DYNLRB1: variants seen among roughly 807,000 people sequenced by gnomAD.
DYNLRB1 encodes the protein dynein light chain roadblock-type 1.
A neutral mutation model predicts 13.5 loss-of-function variants in DYNLRB1; 6 were observed. The ratio of observed to expected loss-of-function variants is 0.44; its 90% CI spans 0.24 to 0.88. DYNLRB1 has a LOEUF of 0.88. Ranked by LOEUF, DYNLRB1 falls within the 40% of genes least tolerant of loss-of-function variation. The pLI, the probability that DYNLRB1 is intolerant of heterozygous loss-of-function variation, is 0.21. For missense variants in DYNLRB1, 93 were observed against 127.2 expected (o/e 0.73, Z 1.29); for synonymous variants, 43 against 45.0 (o/e 0.96, Z 0.18).
intron 2 of DYNLRB1, chr20:34,529,836 G>A (rs1258602400): frequency 2.0e-6 from 3 of 1,503,046 alleles, no homozygotes; most frequent in Non-Finnish European, 2.7e-6. Context: ...AAACCATGTG[G>A]TCATTTCATT....
intron 2 of DYNLRB1, among the ~76,000 whole-genome samples, chr20:34,527,314 C>T (rs1032902770): frequency 3.3e-5 from 5 of 152,214 alleles, no homozygotes; most frequent in Non-Finnish European, 7.3e-5. Flanking sequence ...TCTGCCTCAT[C>T]TCCTGACTAG....
In DYNLRB1 at chr20:34,535,797, G is replaced by A. The variant is rs1036052998; in HGVS notation, c.247+1002G>A. The A allele has an allele frequency of 6.1e-6, 6 of 985,174 alleles. No homozygotes were observed. The African/African-American group carries it at 1.0e-4, about 17-fold the overall frequency. The allele number at this position is 985,174 out of a possible 1,614,324, so 61.0% of individuals were successfully genotyped here. A position where few individuals can be genotyped will look rare whatever the true frequency, so the allele number is the denominator to read the frequency against. On this transcript the variant is annotated intron_variant, in intron 3 of 3. Transcript: ENST00000357156. Reference sequence around the variant, plus strand: ...CCACAAACACCTAACTCAGTTGCATGGACTTGATCTTGCAAGCAGAGGTTT... The same window carrying A: ...CCACAAACACCTAACTCAGTTGCATAGACTTGATCTTGCAAGCAGAGGTTT...
intron 1 of DYNLRB1, chr20:34,516,884 C>G (rs755810795): frequency 9.3e-6 from 14 of 1,504,798 alleles, no homozygotes; most frequent in Non-Finnish European, 1.2e-5. Flanking sequence ...GAGGTAGATA[C>G]AATCTTTAGT....
At chr20:34,519,725 T>C (rs1163686766) in intron 1 of DYNLRB1, among the ~76,000 whole-genome samples, 1 of 152,194 alleles carries the variant, frequency 6.6e-6, no homozygotes, top group Admixed American at 6.5e-5. Context: ...ACTGTTCTTG[T>C]CTTTTTTGCA....
chr20:34,530,494 CTT>C (rs1980626277), intron 2 of DYNLRB1: 1 of 162,860 alleles, frequency 6.1e-6, no homozygotes, highest in African/African-American at 2.4e-5. Context: ...GTGTGTGTGT[CTT>C]TAACTTGCGT....
intron 2 of DYNLRB1, chr20:34,526,642 A>G: frequency 5.2e-6 from 2 of 388,182 alleles, no homozygotes; most frequent in South Asian, 3.2e-5. Context: ...AATCCGCTCA[A>G]TCCCACCACC....
chr20:34,522,873 A>G (rs1020373198), intron 1 of DYNLRB1, among the ~76,000 whole-genome samples: 9 of 152,192 alleles, frequency 5.9e-5, no homozygotes, highest in African/African-American at 2.2e-4. Flanking sequence ...CTGTGAGGCC[A>G]TGTCCCCCTC....
chr20:34,526,905 G>A (rs762232708), intron 2 of DYNLRB1, among the ~76,000 whole-genome samples: 1 of 152,104 alleles, frequency 6.6e-6, no homozygotes, highest in Non-Finnish European at 1.5e-5. Context: ...TTTATTGGCT[G>A]GATAGTTCTC....
intron 2 of DYNLRB1, among the ~76,000 whole-genome samples, chr20:34,531,668 C>T (rs923852385): frequency 2.0e-5 from 3 of 152,196 alleles, no homozygotes; most frequent in African/African-American, 7.2e-5. Flanking sequence ...AAGCTTAATG[C>T]TGTCTCTCTA....
At chr20:34,522,476 T>TTC (rs1979825208) in intron 1 of DYNLRB1, among the ~76,000 whole-genome samples, 1 of 135,536 alleles carries the variant, frequency 7.4e-6, no homozygotes, top group African/African-American at 2.8e-5. Context: ...TTTCTTTTTT[T>TTC]TTTTTTTTTT....
intron 3 of DYNLRB1, among the ~76,000 whole-genome samples, 190 bp from the exon 4 acceptor site, chr20:34,540,391 A>T (rs377317470): frequency 6.6e-6 from 1 of 152,226 alleles, no homozygotes; most frequent in Non-Finnish European, 1.5e-5. Flanking sequence ...CTCTTGCAGG[A>T]GCCCCTGCAG....
At chr20:34,525,871 G>T (rs1980157951) in intron 1 of DYNLRB1, among the ~76,000 whole-genome samples, 1 of 152,186 alleles carries the variant, frequency 6.6e-6, no homozygotes, top group Admixed American at 6.5e-5. Context: ...ATGACAAAGT[G>T]TTGTCTTCCT....
intron 1 of DYNLRB1, chr20:34,517,006 T>G: frequency 8.1e-7 from 1 of 1,235,490 alleles, no homozygotes; most frequent in Non-Finnish European, 1.0e-6. Flanking sequence ...CGCCACTCTG[T>G]CGGCGTGGTT....
intron 3 of DYNLRB1, chr20:34,536,408 G>C (rs1016566364): frequency 1.0e-6 from 1 of 985,240 alleles, no homozygotes; most frequent in Non-Finnish European, 1.2e-6. Context: ...TTCCTCCCAG[G>C]TTGTCATGTT....
At chr20:34,526,441 TG>T in intron 2 of DYNLRB1, 98 bp downstream of exon 2, 1 of 1,196,390 alleles carries the variant, frequency 8.4e-7, no homozygotes, top group Non-Finnish European at 1.2e-6. Context: ...TTCATGAATC[TG>T]ATCTAATTTT....
chr20:34,518,635 G>A (rs1361380821), intron 1 of DYNLRB1, among the ~76,000 whole-genome samples: 1 of 144,220 alleles, frequency 6.9e-6, no homozygotes, highest in Non-Finnish European at 1.5e-5. Flanking sequence ...TTTTTTTTTT[G>A]TAGAGTTGGG....
intron 3 of DYNLRB1, chr20:34,535,915 C>G (rs981674312): frequency 1.0e-6 from 1 of 985,166 alleles, no homozygotes; most frequent in Non-Finnish European, 1.2e-6. Context: ...ACTGGCAACA[C>G]AGAGGGCAAG....
rs1981511398 is a variant in DYNLRB1, at chr20:34,540,670, C to T, written c.*46C>T. The stretch of plus-strand genomic sequence containing the variant: ...TGTCATTCCTTAATTTAATGCCCCC[C>T]AAGAATGTTAATGTCAATCATGTCA... On this transcript the variant is annotated 3_prime_UTR_variant, in exon 4 of 4. Transcript: ENST00000357156. 1 of 1,588,728 alleles carries T rather than the reference C, an allele frequency of 6.3e-7. No individual in the cohort carries two copies. The highest frequency in any genetic ancestry group is 8.6e-7 in the Non-Finnish European group (1 of 1,158,766).
At chr20:34,535,810 C>T in intron 3 of DYNLRB1, 1 of 985,202 alleles carries the variant, frequency 1.0e-6, no homozygotes, top group Non-Finnish European at 1.2e-6. Context: ...CTTGATCTTG[C>T]AAGCAGAGGT....
Sources: gnomAD v4.1 joint callset for allele counts (sites outside exome capture counted in the v4.1 genomes callset) on GRCh38, gnomAD v4.1.1 for gene constraint, MANE v1.5 for transcripts, NCBI Gene and HGNC (gene_info 2026-07-23, HGNC 2026-07-21) for gene names.